Variants in CPQ observed in about 807,000 individuals in gnomAD.
The protein encoded by CPQ is Ser-Met dipeptidase.
CPQ carries 37 observed loss-of-function variants against 45.7 expected under a neutral mutation model. That is an observed-to-expected ratio of 0.81 (90% CI 0.62 to 1.07). CPQ has a LOEUF of 1.07. Among genes scored for constraint, CPQ ranks in the 50% least tolerant of loss-of-function variants. CPQ has a pLI of 0.00. For synonymous variants in CPQ, 186 were observed against 205.8 expected, an observed-to-expected ratio of 0.90 and a Z score of 0.82; for missense variants, 537 against 572.9, an observed-to-expected ratio of 0.94 and a Z score of 0.64.
intron 5 of CPQ, among the ~76,000 whole-genome samples, chr8:97,007,808 A>G (rs1482055550): frequency 2.6e-5 from 4 of 152,180 alleles, no homozygotes; most frequent in Admixed American, 1.3e-4. Context: ...CTTATTTGGG[A>G]ACTTCAGGGG....
At chr8:96,709,075 T>C (rs940825432) in intron 1 of CPQ, among the ~76,000 whole-genome samples, 16 of 152,152 alleles carry the variant, frequency 1.1e-4, no homozygotes, top group African/African-American at 3.9e-4. Flanking sequence ...TTTATGTATG[T>C]TCATTTTTTA....
chr8:96,867,959 C>G (rs980751067), intron 3 of CPQ, among the ~76,000 whole-genome samples: 3 of 152,028 alleles, frequency 2.0e-5, no homozygotes, highest in African/African-American at 7.2e-5. Context: ...GGCTCTTCAC[C>G]TGCACATAAA....
chr8:96,662,126 G>A (rs1041067011), intron 1 of CPQ, among the ~76,000 whole-genome samples: 3 of 151,998 alleles, frequency 2.0e-5, no homozygotes, highest in African/African-American at 4.8e-5. Context: ...TTTTAATTGG[G>A]TTGTTTGTTT....
intron 4 of CPQ, among the ~76,000 whole-genome samples, chr8:96,917,959 T>C (rs1336520260): frequency 2.0e-5 from 3 of 152,126 alleles, no homozygotes; most frequent in Non-Finnish European, 2.9e-5. Flanking sequence ...GTACAGTGCT[T>C]ATAGTGCAGT....
chr8:97,081,733 C>T (rs931259057), intron 7 of CPQ, among the ~76,000 whole-genome samples: 27 of 152,270 alleles, frequency 1.8e-4, no homozygotes, highest in Non-Finnish European at 3.4e-4. Context: ...CCCAGGTGTT[C>T]TAATATGCAG....
rs557640945 is a variant in CPQ, at chr8:96,771,101, AT to A, written c.-34-13762del. On this transcript the variant is annotated intron_variant, in intron 1 of 7. Transcript: ENST00000220763. ...AGCAATATATATATATTATATATAT[AT>A]AAATATATATATTTATATATTTTAA... is the stretch of plus-strand genomic sequence containing the variant. 6.1e-3 allele frequency among the ~76,000 whole-genome samples: 884 copies of A among 146,020 alleles called. 8 individuals are homozygous for A. The highest frequency in any genetic ancestry group is 0.02 in the African/African-American group (812 of 40,606).
chr8:97,122,472 GACAA>G (rs1456604810), intron 7 of CPQ, among the ~76,000 whole-genome samples: 3 of 152,086 alleles, frequency 2.0e-5, no homozygotes, highest in South Asian at 2.1e-4. Context: ...GAATTTTTTA[GACAA>G]ACAAAATTTG....
chr8:97,114,492 T>A (rs1811549770), intron 7 of CPQ, among the ~76,000 whole-genome samples: 1 of 152,206 alleles, frequency 6.6e-6, no homozygotes, highest in Admixed American at 6.5e-5. Flanking sequence ...ACACAGTAGG[T>A]GTTCAGTATT....
At chr8:96,657,552 A>G (rs998576799) in intron 1 of CPQ, among the ~76,000 whole-genome samples, 2 of 152,220 alleles carry the variant, frequency 1.3e-5, no homozygotes, top group African/African-American at 4.8e-5. Flanking sequence ...GACTTTCTGT[A>G]GAGGGAAGTG....
chr8:96,990,122 A>G (rs1809063108), intron 5 of CPQ, among the ~76,000 whole-genome samples: 1 of 151,944 alleles, frequency 6.6e-6, no homozygotes. Context: ...CTTCTCCTCC[A>G]ACTCCTCTGC....
intron 5 of CPQ, among the ~76,000 whole-genome samples, chr8:96,984,535 G>A (rs1379901090): frequency 1.3e-5 from 2 of 152,150 alleles, no homozygotes; most frequent in Non-Finnish European, 2.9e-5. Context: ...TGCCATTTTG[G>A]AAGCAGAGAC....
intron 2 of CPQ, among the ~76,000 whole-genome samples, chr8:96,822,225 C>T (rs1811317419): frequency 6.6e-6 from 1 of 151,912 alleles, no homozygotes; most frequent in Non-Finnish European, 1.5e-5. Context: ...TTGCAAATGA[C>T]AATATTTCTT....
chr8:96,646,526 C>T (rs1193714230), intron 1 of CPQ, among the ~76,000 whole-genome samples: 1 of 152,170 alleles, frequency 6.6e-6, no homozygotes, highest in Admixed American at 6.5e-5. Flanking sequence ...CTGAAGAAGG[C>T]TACATAAGGC....
At chr8:96,903,418 C>T (rs1035216748) in intron 4 of CPQ, among the ~76,000 whole-genome samples, 3 of 152,088 alleles carry the variant, frequency 2.0e-5, no homozygotes, top group African/African-American at 7.2e-5. Context: ...GTGTAAGTTC[C>T]AGTACTTAAC....
At chr8:97,107,813 C>A (rs558081230) in intron 7 of CPQ, among the ~76,000 whole-genome samples, 1 of 152,104 alleles carries the variant, frequency 6.6e-6, no homozygotes, top group Admixed American at 6.5e-5. Context: ...AACATGTTTG[C>A]TCATGAGAAC....
At position 97,001,507 on chromosome 8, in the gene CPQ, G is replaced by A. The variant is rs543397168; in HGVS notation, c.962-27896G>A. Among the ~76,000 whole-genome samples, 18 of 152,060 alleles carry A rather than the reference G, an allele frequency of 1.2e-4. No individual in the cohort carries two copies. In the East Asian group the frequency reaches 1.4e-3, roughly 11 times the overall value. On this transcript the variant is annotated intron_variant, in intron 5 of 7. Transcript: ENST00000220763. ...TCTGCATCTATTGAGATTATCATGCGGTTTTTGACGTTAGCTCTGTTTATG... is the reference window on the plus strand; with the variant it reads ...TCTGCATCTATTGAGATTATCATGCAGTTTTTGACGTTAGCTCTGTTTATG...
At chr8:96,713,119 C>T (rs1298342925) in intron 1 of CPQ, among the ~76,000 whole-genome samples, 2 of 152,210 alleles carry the variant, frequency 1.3e-5, no homozygotes, top group Non-Finnish European at 2.9e-5. Flanking sequence ...CCACCTCAGC[C>T]TGCACTTCAT....
chr8:97,043,720 T>C (rs1810177521), intron 6 of CPQ, among the ~76,000 whole-genome samples: 1 of 152,300 alleles, frequency 6.6e-6, no homozygotes, highest in African/African-American at 2.4e-5. Flanking sequence ...CTGTAAAGTA[T>C]TTTATTTCTC....
intron 4 of CPQ, among the ~76,000 whole-genome samples, chr8:96,923,387 C>T (rs138304335): frequency 9.0e-4 from 137 of 152,264 alleles, no homozygotes; most frequent in Middle Eastern, 3.4e-3. Flanking sequence ...TATCTTTCAC[C>T]AGAAGCATTT....
Sources: allele counts gnomAD v4.1 joint callset (sites outside exome capture counted in the v4.1 genomes callset), GRCh38; gene constraint gnomAD v4.1.1; transcripts MANE v1.5; gene names NCBI Gene and HGNC (gene_info 2026-07-23, HGNC 2026-07-21).